Variants in HM13 observed in about 807,000 individuals in gnomAD.
HM13 encodes the protein signal peptide peptidase.
In HM13, 18 loss-of-function variants were observed where a neutral mutation model predicts 50.0. The observed-to-expected ratio is 0.36, with a 90% CI of 0.25 to 0.53. The LOEUF (loss-of-function observed/expected upper bound fraction) is 0.53, where lower values mean the gene tolerates loss of function less well. HM13 is among the 20% of genes least tolerant of loss of function. The pLI is 0.90. For synonymous variants in HM13, 197 were observed against 232.6 expected (o/e 0.85, Z 1.39); for missense variants, 393 against 552.4 (o/e 0.71, Z 2.89).
Position 31,566,409 on chromosome 20 carries a change from C to T in HM13, c.1034+114C>T, listed in dbSNP as rs1201124548. The T allele has an allele frequency of 1.3e-5, 11 of 828,800 alleles. No homozygotes were observed. In the East Asian group the frequency reaches 1.6e-4, roughly 12 times the overall value. The allele number at this position is 828,800 out of a possible 1,614,324, so 51.3% of individuals were successfully genotyped here. On this transcript the variant is annotated intron_variant, in intron 11 of 12. Coordinates refer to ENST00000398174, the MANE Select transcript of HM13 (RefSeq NM_178581.3). ...CTCCAGGGGAACATTGTTCCTGCCACCAGCCCCACCCCTTGCCTTTTTCAG... is the reference window on the plus strand; with the variant it reads ...CTCCAGGGGAACATTGTTCCTGCCATCAGCCCCACCCCTTGCCTTTTTCAG...
chr20:31,525,786 A>G (rs1367298459), intron 1 of HM13, among the ~76,000 whole-genome samples: 1 of 152,144 alleles, frequency 6.6e-6, no homozygotes, highest in Non-Finnish European at 1.5e-5. Context: ...AAGAAAAGAA[A>G]GAAAAGAAAT....
chr20:31,551,351 T>C (rs1017570498), intron 7 of HM13, among the ~76,000 whole-genome samples: 1 of 152,084 alleles, frequency 6.6e-6, no homozygotes, highest in African/African-American at 2.4e-5. Context: ...GGTCATCCCT[T>C]CATGGTCCCA....
At chr20:31,524,916 C>T (rs1221131215) in intron 1 of HM13, among the ~76,000 whole-genome samples, 1 of 151,830 alleles carries the variant, frequency 6.6e-6, no homozygotes, top group African/African-American at 2.4e-5. Flanking sequence ...GGTTTCACCA[C>T]GTTAGCCAGG....
At chr20:31,531,572 T>C (rs1568783991) in intron 2 of HM13, among the ~76,000 whole-genome samples, 1 of 152,032 alleles carries the variant, frequency 6.6e-6, no homozygotes, top group African/African-American at 2.4e-5. Context: ...ATAAATCCTC[T>C]TTTTTTGTTG....
At position 31,538,273 on chromosome 20, in the gene HM13, T is replaced by C. The variant is rs1318515227; in HGVS notation, c.365+12T>C. On this transcript the variant is annotated intron_variant, in intron 3 of 12. Coordinates refer to ENST00000398174, the MANE Select transcript of HM13 (RefSeq NM_178581.3). ...TCCCACACCATCAGGTCAGAAGGCA[T>C]CTCTCTGCAACATTTGAAGCAGCTT... is the stretch of plus-strand genomic sequence containing the variant. 1 of 1,614,104 alleles carries C rather than the reference T, an allele frequency of 6.2e-7. No homozygotes were observed. Among genetic ancestry groups the C allele is most frequent in the Non-Finnish European group, 8.5e-7 (1 of 1,179,990 alleles).
chr20:31,564,975 C>T (rs1446902531), intron 10 of HM13, among the ~76,000 whole-genome samples: 2 of 150,904 alleles, frequency 1.3e-5, no homozygotes, highest in Non-Finnish European at 2.9e-5. Flanking sequence ...ACCATCCTGG[C>T]CAACACGGTG....
At chr20:31,529,405 C>G (rs1982681316) in intron 2 of HM13, among the ~76,000 whole-genome samples, 1 of 151,442 alleles carries the variant, frequency 6.6e-6, no homozygotes, top group Non-Finnish European at 1.5e-5. Flanking sequence ...ACCACCACAC[C>G]TAGCTAATTT....
chr20:31,557,376 T>G (rs968897144), intron 8 of HM13, among the ~76,000 whole-genome samples: 22 of 152,340 alleles, frequency 1.4e-4, no homozygotes, highest in African/African-American at 5.1e-4. Context: ...TCTCGGCATA[T>G]CTGTCCTTTC....
chr20:31,552,415 G>T (rs1294071745), intron 7 of HM13, among the ~76,000 whole-genome samples: 1 of 152,214 alleles, frequency 6.6e-6, no homozygotes, highest in Non-Finnish European at 1.5e-5. Flanking sequence ...GGAAGCCAAG[G>T]ATGCCACTCT....
Position 31,566,233 on chromosome 20 carries a change from C to T in HM13, c.972C>T (p.Pro324=), listed in dbSNP as rs1189123077. 13 of 1,613,876 alleles carry T rather than the reference C, an allele frequency of 8.1e-6. No individual in the cohort carries two copies. Among genetic ancestry groups the T allele is most frequent in the South Asian group, 1.1e-5 (1 of 91,080 alleles). The part of the protein sequence containing the change: ...HAQPALLYLV[P]ACIGFPVLVA... ...AGCCTGCCCTCCTATACCTGGTCCC[C>T]GCCTGCATCGGTTTTCCTGTCCTGG... The change falls in exon 11 of 13, where the codon CCC becomes CCT. Residue 324 remains proline, a synonymous_variant. Coordinates refer to ENST00000398174, the MANE Select transcript of HM13 (RefSeq NM_178581.3).
intron 1 of HM13, among the ~76,000 whole-genome samples, chr20:31,515,848 C>T (rs6088441): frequency 1.9e-3 from 296 of 152,308 alleles, no homozygotes; most frequent in Non-Finnish European, 3.3e-3. Context: ...CCCGATGCTC[C>T]TCCCCCACCC....
intron 4 of HM13, among the ~76,000 whole-genome samples, 176 bp downstream of exon 4, chr20:31,545,211 A>G (rs1339894999): frequency 6.6e-6 from 1 of 152,146 alleles, no homozygotes; most frequent in African/African-American, 2.4e-5. Context: ...ACCCTGGGTG[A>G]ACGCCTTACC....
chr20:31,520,413 C>G (rs964170969), intron 1 of HM13, among the ~76,000 whole-genome samples: 3 of 152,148 alleles, frequency 2.0e-5, no homozygotes, highest in Non-Finnish European at 4.4e-5. Flanking sequence ...AAACAATTCT[C>G]ATGCCTCAGC....
intron 8 of HM13, among the ~76,000 whole-genome samples, chr20:31,556,289 C>T (rs570477900): frequency 6.6e-6 from 1 of 152,096 alleles, no homozygotes; most frequent in South Asian, 2.1e-4. Context: ...CCACCTACCT[C>T]GGCCCCCACA....
At position 31,514,846 on chromosome 20, in the gene HM13, C is replaced by T; in HGVS notation, c.183+112C>T. The T allele has an allele frequency of 1.9e-6, 2 of 1,060,162 alleles. 1 individual carries two copies. The highest frequency in any genetic ancestry group is 5.7e-5 in the East Asian group (2 of 35,364). 65.7% of individuals were successfully genotyped at this position (1,060,162 alleles called of 1,614,324 possible). On this transcript the variant is annotated intron_variant, in intron 1 of 12. Coordinates refer to ENST00000398174, the MANE Select transcript of HM13 (RefSeq NM_178581.3). The surrounding 1 kb of genome is among the most constrained non-coding windows in gnomAD (Gnocchi z 4.3). ...TCCCCGGACACTGACTCTTCCCAGC[C>T]CTGATCACCACCGTTCCCTCTGTCT...
intron 1 of HM13, among the ~76,000 whole-genome samples, chr20:31,517,012 C>T (rs148540420): frequency 6.6e-6 from 1 of 152,280 alleles, no homozygotes; most frequent in East Asian, 1.9e-4. Flanking sequence ...TCATCCAGGG[C>T]TCTCTCCTAA....
chr20:31,566,685 C>T (rs945120920), intron 11 of HM13, among the ~76,000 whole-genome samples: 3 of 152,048 alleles, frequency 2.0e-5, no homozygotes, highest in African/African-American at 7.2e-5. Flanking sequence ...GAACAGGGGG[C>T]GTGTGGGATG....
intron 8 of HM13, among the ~76,000 whole-genome samples, chr20:31,558,905 T>A (rs1036764437): frequency 6.6e-6 from 1 of 150,782 alleles, no homozygotes; most frequent in African/African-American, 2.4e-5. Flanking sequence ...TGCTTTTGTT[T>A]TTTGTTGTTG....
rs557966065 is a variant in HM13 at position 31,545,711 on chromosome 20, C to G, written c.454+676C>G. 3.3e-5 allele frequency among the ~76,000 whole-genome samples: 5 copies of G among 152,270 alleles called. No individual in the cohort carries two copies. In the East Asian group the frequency reaches 9.6e-4, roughly 29 times the overall value. On this transcript the variant is annotated intron_variant, in intron 4 of 12. Coordinates refer to ENST00000398174, the MANE Select transcript of HM13 (RefSeq NM_178581.3). ...TGTAACAAGATTATCAATGCTTGAC[C>G]AAACAGCAGGTATTTCTTTGTTTTT...
Sources: allele counts gnomAD v4.1 joint callset (sites outside exome capture counted in the v4.1 genomes callset), GRCh38; gene constraint gnomAD v4.1.1; non-coding constraint Gnocchi (gnomAD v3.1); transcripts MANE v1.5; gene names NCBI Gene and HGNC (gene_info 2026-07-23, HGNC 2026-07-21).